Variants in PRP4K observed in about 807,000 individuals in gnomAD.
PRP4K encodes pre-mRNA processing factor kinase PRP4K.
the PRP4K span, among the ~76,000 whole-genome samples, chr6:4,040,471 A>G: frequency 1.3e-5 from 2 of 152,182 alleles, no homozygotes; most frequent in Non-Finnish European, 2.9e-5. Context: ...TAGAGCTTAT[A>G]TTCAAGTTCA....
chr6:4,026,935 A>G, the PRP4K span, among the ~76,000 whole-genome samples: 1 of 152,186 alleles, frequency 6.6e-6, no homozygotes, highest in African/African-American at 2.4e-5. Context: ...ATCTGGGGAA[A>G]GCATTCCTGG....
chr6:4,023,933 C>T, the PRP4K span, among the ~76,000 whole-genome samples: 1 of 150,094 alleles, frequency 6.7e-6, no homozygotes. Flanking sequence ...GTGGTGCGAT[C>T]TTGGCTCACT....
At chr6:4,059,810 T>C in the PRP4K span, among the ~76,000 whole-genome samples, 1 of 152,142 alleles carries the variant, frequency 6.6e-6, no homozygotes, top group Non-Finnish European at 1.5e-5. Flanking sequence ...CACGCCTGGA[T>C]AATTTTTGTA....
At chr6:4,023,623 C>T in the PRP4K span, among the ~76,000 whole-genome samples, 2 of 152,294 alleles carry the variant, frequency 1.3e-5, no homozygotes, top group South Asian at 4.1e-4. Context: ...TTTCTCAAAC[C>T]TGATTTGGCA....
chr6:4,052,932 G>A, the PRP4K span: 1 of 1,440,338 alleles, frequency 6.9e-7, no homozygotes, highest in South Asian at 1.4e-5. Flanking sequence ...CTTCTTACTA[G>A]CAGTAATATT....
chr6:4,021,382 C>T, the PRP4K span: 1 of 1,558,344 alleles, frequency 6.4e-7, no homozygotes, highest in East Asian at 2.4e-5. Context: ...CCTCCACCGT[C>T]CGGGAGCCGC....
At chr6:4,059,850 GC>G in the PRP4K span, among the ~76,000 whole-genome samples, 1 of 152,134 alleles carries the variant, frequency 6.6e-6, no homozygotes, top group Non-Finnish European at 1.5e-5. Context: ...TTGCAGTGTT[GC>G]CCAGGCTGGT....
At chr6:4,041,591 A>G in the PRP4K span, among the ~76,000 whole-genome samples, 1 of 152,184 alleles carries the variant, frequency 6.6e-6, no homozygotes, top group African/African-American at 2.4e-5. Flanking sequence ...TTGATTGTCT[A>G]AGTGGAATAT....
At chr6:4,038,736 C>T in the PRP4K span, among the ~76,000 whole-genome samples, 1 of 152,052 alleles carries the variant, frequency 6.6e-6, no homozygotes, top group Admixed American at 6.5e-5. Context: ...CACTGCTAGT[C>T]TTCTTGCTCC....
At chr6:4,036,680 T>C in the PRP4K span, among the ~76,000 whole-genome samples, 3 of 152,056 alleles carry the variant, frequency 2.0e-5, no homozygotes, top group Non-Finnish European at 4.4e-5. Flanking sequence ...CCTGGCCTAT[T>C]ATACTTGACA....
the PRP4K span, chr6:4,021,356 C>G: frequency 1.9e-6 from 3 of 1,547,944 alleles, no homozygotes; most frequent in Admixed American, 5.9e-5. Flanking sequence ...TTTCCTTCTT[C>G]CTCCACTTCC....
the PRP4K span, chr6:4,049,934 C>G: frequency 6.5e-7 from 1 of 1,532,026 alleles, no homozygotes; most frequent in South Asian, 1.2e-5. Flanking sequence ...TACAGAAGAA[C>G]ATATTTTTAA....
At chr6:4,024,508 T>C in the PRP4K span, among the ~76,000 whole-genome samples, 3 of 150,680 alleles carry the variant, frequency 2.0e-5, no homozygotes, top group Non-Finnish European at 3.0e-5. Context: ...TCTGTGTCTC[T>C]GTATATTTTG....
chr6:4,026,599 G>C, the PRP4K span, among the ~76,000 whole-genome samples: 1 of 151,920 alleles, frequency 6.6e-6, no homozygotes, highest in Admixed American at 6.6e-5. Context: ...CACCGTGCCC[G>C]GCCTTATGTT....
the PRP4K span, among the ~76,000 whole-genome samples, chr6:4,050,936 C>G: frequency 6.6e-6 from 1 of 152,200 alleles, no homozygotes; most frequent in African/African-American, 2.4e-5. Flanking sequence ...GGGTTTTGCT[C>G]TGTCACCCAG....
chr6:4,026,782 T>G, the PRP4K span, among the ~76,000 whole-genome samples: 1 of 152,172 alleles, frequency 6.6e-6, no homozygotes, highest in Non-Finnish European at 1.5e-5. Flanking sequence ...ACAATTGCTT[T>G]GGAGAAAAAT....
At chr6:4,040,020 A>G in the PRP4K span, among the ~76,000 whole-genome samples, 4 of 151,740 alleles carry the variant, frequency 2.6e-5, no homozygotes, top group Admixed American at 2.6e-4. Context: ...GGTAGCTGGG[A>G]CTATAGGCAC....
chr6:4,053,367 G>T, the PRP4K span, among the ~76,000 whole-genome samples: 1 of 152,120 alleles, frequency 6.6e-6, no homozygotes, highest in African/African-American at 2.4e-5. Context: ...TTCAAGTTCA[G>T]GGGTACATGT....
the PRP4K span, among the ~76,000 whole-genome samples, chr6:4,036,702 A>AT: frequency 6.6e-6 from 1 of 151,824 alleles, no homozygotes; most frequent in African/African-American, 2.4e-5. Context: ...TAAAAAGAAG[A>AT]TTTTTGCCCG....
Sources: allele counts gnomAD v4.1 joint callset (sites outside exome capture counted in the v4.1 genomes callset), GRCh38; gene constraint gnomAD v4.1.1; transcripts MANE v1.5; gene names NCBI Gene and HGNC (gene_info 2026-07-23, HGNC 2026-07-21).